The following MSH3 variants were observed in gnomAD, a reference collection of about 807,000 sequenced individuals.
The protein encoded by MSH3 is mutS homolog 3.
Under a neutral mutation model 123.3 loss-of-function variants are expected in MSH3, and 106 were observed. The observed-to-expected ratio is 0.86, with a 90% CI of 0.73 to 1.01. The LOEUF (loss-of-function observed/expected upper bound fraction) is 1.01. Ranked by LOEUF, MSH3 falls within the 50% of genes least tolerant of loss-of-function variation. MSH3 has a pLI of 0.00. For missense variants in MSH3, 1,459 were observed against 1,347.6 expected (o/e 1.08, Z -1.29); for synonymous variants, 515 against 481.4 (o/e 1.07, Z -0.91).
chr5:80,744,706 A>G, intron 12 of MSH3, 91 bp downstream of exon 12: 1 of 901,096 alleles, frequency 1.1e-6, no homozygotes, highest in South Asian at 1.4e-5. Flanking sequence ...ATTGTTTTTA[A>G]GAACACAGTT....
In MSH3 at chr5:80,685,201, CTTTTTTTTTTT is replaced by C. The variant is rs70991171; in HGVS notation, c.1340+6120_1340+6130del. ...GTAGAATGAGTTTGGAAGTATTCTC[CTTTTTTTTTTT>C]TTTTTTTTTTTCCCAGAATAGTTTG... is the stretch of plus-strand genomic sequence containing the variant. On this transcript the variant is annotated intron_variant, in intron 8 of 23. Transcript: ENST00000265081. Among the ~76,000 whole-genome samples, 565 of 107,658 alleles carry C rather than the reference CTTTTTTTTTTT, an allele frequency of 5.2e-3. 4 individuals are homozygous for C. Among genetic ancestry groups the C allele is most frequent in the African/African-American group, 0.018 (526 of 28,616 alleles). 70.6% of individuals were successfully genotyped at this position (107,658 alleles called of 152,430 possible).
At chr5:80,802,500 G>T (rs1350474655) in intron 19 of MSH3, among the ~76,000 whole-genome samples, 1 of 151,850 alleles carries the variant, frequency 6.6e-6, no homozygotes, top group African/African-American at 2.4e-5. Context: ...CACCGAATGT[G>T]TAATAATGTT....
intron 8 of MSH3, among the ~76,000 whole-genome samples, chr5:80,685,503 C>T (rs1312452554): frequency 1.3e-5 from 2 of 151,908 alleles, no homozygotes; most frequent in Non-Finnish European, 2.9e-5. Flanking sequence ...CCTGTAGTAT[C>T]AGTAGTAATG....
intron 21 of MSH3, among the ~76,000 whole-genome samples, chr5:80,855,189 A>G (rs187015431): frequency 7.3e-5 from 11 of 151,668 alleles, no homozygotes; most frequent in Admixed American, 1.3e-4. Context: ...CTGCTTTTCA[A>G]ATCTCCCCTT....
intron 20 of MSH3, among the ~76,000 whole-genome samples, chr5:80,816,160 G>A (rs930079947): frequency 2.0e-5 from 3 of 152,200 alleles, no homozygotes; most frequent in Admixed American, 6.5e-5. Flanking sequence ...AGGAACCACA[G>A]TTTTTGATTT....
chr5:80,779,266 T>C (rs1721241987), intron 17 of MSH3, among the ~76,000 whole-genome samples: 2 of 152,170 alleles, frequency 1.3e-5, no homozygotes, highest in African/African-American at 2.4e-5. Flanking sequence ...GTGCTGGGAT[T>C]ACAGGCTTGA....
intron 20 of MSH3, among the ~76,000 whole-genome samples, chr5:80,821,820 G>A (rs1214856355): frequency 1.3e-5 from 2 of 152,212 alleles, no homozygotes; most frequent in African/African-American, 2.4e-5. Flanking sequence ...CCCTTAAAGA[G>A]GAAGCTTGCT....
intron 19 of MSH3, among the ~76,000 whole-genome samples, chr5:80,804,927 T>C (rs527348781): frequency 1.3e-5 from 2 of 152,340 alleles, no homozygotes; most frequent in African/African-American, 2.4e-5. Context: ...CTTAATGATA[T>C]GTATATGATT....
chr5:80,738,567 T>C (rs1302867632), intron 10 of MSH3, among the ~76,000 whole-genome samples: 1 of 152,122 alleles, frequency 6.6e-6, no homozygotes, highest in African/African-American at 2.4e-5. Flanking sequence ...TATACCCTGT[T>C]CATATGAGGG....
chr5:80,762,790 TTTATGTTATG>T (rs747226793), intron 13 of MSH3, among the ~76,000 whole-genome samples: 129 of 132,992 alleles, frequency 9.7e-4, no homozygotes, highest in African/African-American at 3.3e-3. Context: ...TTTATTTTAT[TTTATGTTATG>T]TTATGTTATG....
intron 19 of MSH3, among the ~76,000 whole-genome samples, chr5:80,810,172 C>CATACATATATATATAT (rs375421949): frequency 2.5e-5 from 3 of 121,586 alleles, no homozygotes; most frequent in Non-Finnish European, 3.4e-5. Flanking sequence ...GTTTGACATA[C>CATACATATATATATAT]ATATATATAT....
rs577833905 is a variant in MSH3, at chr5:80,692,659, T to TAC, written c.1340+13567_1340+13568insCA. On this transcript the variant is annotated intron_variant, in intron 8 of 23. Coordinates refer to ENST00000265081, the MANE Select transcript of MSH3 (RefSeq NM_002439.5). ...TTATATATGTTTATATAGATATATATATACACATGTATATGTTTATGTTTA... is the reference window on the plus strand; with the variant it reads ...TTATATATGTTTATATAGATATATATACATACACATGTATATGTTTATGTTTA... Among the ~76,000 whole-genome samples the TAC allele has an allele frequency of 8.2e-4, 113 of 138,640 alleles. 2 individuals carry two copies. The highest frequency in any genetic ancestry group is 2.8e-3 in the African/African-American group (110 of 39,630). The allele number at this position is 138,640 out of a possible 152,430, so 91.0% of individuals were successfully genotyped here.
At chr5:80,807,478 A>C (rs1027246027) in intron 19 of MSH3, among the ~76,000 whole-genome samples, 1 of 152,236 alleles carries the variant, frequency 6.6e-6, no homozygotes, top group East Asian at 1.9e-4. Context: ...CAGAGGTCAT[A>C]GTGATGGTGG....
At chr5:80,685,664 T>C (rs1750072198) in intron 8 of MSH3, among the ~76,000 whole-genome samples, 1 of 152,102 alleles carries the variant, frequency 6.6e-6, no homozygotes, top group African/African-American at 2.4e-5. Context: ...TTATTTCTGC[T>C]CTGATTTTTA....
chr5:80,743,087 A>G (rs559973897), intron 11 of MSH3, among the ~76,000 whole-genome samples: 29 of 152,154 alleles, frequency 1.9e-4, no homozygotes, highest in Admixed American at 4.6e-4. Flanking sequence ...CCAAGGAGCA[A>G]TGGAAAGAGG....
intron 10 of MSH3, among the ~76,000 whole-genome samples, chr5:80,738,044 C>T (rs150620815): frequency 0.013 from 1,970 of 152,256 alleles, 17 homozygotes; most frequent in Middle Eastern, 0.037. Context: ...AAATAAAAAA[C>T]CACACACACA....
At chr5:80,721,863 G>A (rs931215562) in intron 8 of MSH3, among the ~76,000 whole-genome samples, 1 of 152,080 alleles carries the variant, frequency 6.6e-6, no homozygotes, top group Non-Finnish European at 1.5e-5. Flanking sequence ...ATAATATTGA[G>A]GGAGGGAGTG....
intron 20 of MSH3, among the ~76,000 whole-genome samples, chr5:80,843,669 T>C (rs1311981710): frequency 1.3e-5 from 2 of 152,238 alleles, no homozygotes; most frequent in African/African-American, 4.8e-5. Flanking sequence ...CCATTTCTTC[T>C]AGATTTTCTA....
chr5:80,800,462 T>G (rs1196895398), intron 19 of MSH3, among the ~76,000 whole-genome samples: 1 of 152,160 alleles, frequency 6.6e-6, no homozygotes, highest in Non-Finnish European at 1.5e-5. Flanking sequence ...TGCCGATAGA[T>G]TTTATGTGTC....
Sources: allele counts gnomAD v4.1 joint callset (sites outside exome capture counted in the v4.1 genomes callset), GRCh38; gene constraint gnomAD v4.1.1; transcripts MANE v1.5; gene names NCBI Gene and HGNC (gene_info 2026-07-23, HGNC 2026-07-21).